OPRM1: variants seen among roughly 807,000 people sequenced by gnomAD.
OPRM1 encodes the protein opioid receptor mu 1.
Under a neutral mutation model 31.8 loss-of-function variants are expected in OPRM1, and 27 were observed. The observed-to-expected ratio is 0.85, with a 90% CI of 0.63 to 1.17. The LOEUF (loss-of-function observed/expected upper bound fraction) is 1.17, where lower values mean the gene tolerates loss of function less well. Among genes scored for constraint, OPRM1 ranks in the 50% most tolerant of loss-of-function variants. OPRM1 has a pLI of 0.00. For synonymous variants in OPRM1, 196 were observed against 189.9 expected (o/e 1.03, Z -0.26); for missense variants, 536 against 511.1 (o/e 1.05, Z -0.47).
chr6:154,094,263 C>T, intron 3 of OPRM1: 1 of 1,268,938 alleles, frequency 7.9e-7, no homozygotes, highest in Non-Finnish European at 1.0e-6. Context: ...GACAACTGTC[C>T]ACTGAGGCAA....
At chr6:154,195,764 T>C (rs1354066814) in intron 3 of OPRM1, among the ~76,000 whole-genome samples, 1 of 151,726 alleles carries the variant, frequency 6.6e-6, no homozygotes, top group African/African-American at 2.4e-5. Flanking sequence ...TTAACATTTT[T>C]TAGACCAGAA....
upstream of OPRM1, chr6:154,039,137 C>T (rs1269718069): frequency 1.9e-6 from 3 of 1,547,450 alleles, no homozygotes; most frequent in Non-Finnish European, 2.6e-6. Flanking sequence ...CTCCCCAACC[C>T]TTCTCTCCAT....
chr6:154,204,718 C>G (rs569675325), intron 3 of OPRM1, among the ~76,000 whole-genome samples: 1 of 152,116 alleles, frequency 6.6e-6, no homozygotes, highest in African/African-American at 2.4e-5. Flanking sequence ...CTTATCAGTG[C>G]CCCCCATCCC....
At position 154,168,027 on chromosome 6, in the gene OPRM1, G is replaced by A. The variant is rs371328760; in HGVS notation, c.1164+76555G>A. ...CTCAACTCCTTTTTAGTCGAAGGTC[G>A]TCGGTCCCCAAGAGGAGATAGACTA... On this transcript the variant is annotated intron_variant, in intron 3 of 3. Coordinates refer to the OPRM1 transcript ENST00000337049. The surrounding 1 kb of genome is among the most constrained non-coding windows in gnomAD (Gnocchi z 4.1). The A allele has an allele frequency of 9.9e-6, 16 of 1,610,686 alleles. No homozygotes were observed. The highest frequency in any genetic ancestry group is 1.2e-5 in the Non-Finnish European group (14 of 1,177,662).
intron 1 of OPRM1, among the ~76,000 whole-genome samples, chr6:154,080,147 A>G (rs1359267263): frequency 3.9e-5 from 6 of 152,194 alleles, no homozygotes; most frequent in Non-Finnish European, 5.9e-5. Flanking sequence ...ATTTGGGGAC[A>G]TTTCTATCAA....
At chr6:154,204,495 G>A (rs1777323385) in intron 3 of OPRM1, among the ~76,000 whole-genome samples, 1 of 152,168 alleles carries the variant, frequency 6.6e-6, no homozygotes, top group Admixed American at 6.5e-5. Flanking sequence ...GCCCCAGGAA[G>A]TATCATGTTT....
intron 3 of OPRM1, among the ~76,000 whole-genome samples, chr6:154,229,198 G>A (rs948962824): frequency 4.6e-5 from 7 of 152,104 alleles, no homozygotes; most frequent in Non-Finnish European, 1.5e-5. Flanking sequence ...TAACTGTGTT[G>A]TTCATACATA....
rs190126297 is a variant in OPRM1 at position 154,225,170 on chromosome 6, A to G, written c.1165-21523A>G. ...CCCAAATCTGAAAATCCAACACCCA[A>G]TGAATACTCCCTTTGAGCATCATGT... On this transcript the variant is annotated intron_variant, in intron 3 of 3. Coordinates refer to the OPRM1 transcript ENST00000337049. Among the ~76,000 whole-genome samples the G allele has an allele frequency of 2.5e-4, 38 of 152,200 alleles. No individual in the cohort carries two copies. The East Asian group carries it at 3.5e-3, about 14-fold the overall frequency.
At chr6:154,020,394 A>G (rs568562453) in intron 1 of OPRM1, among the ~76,000 whole-genome samples, 25 of 152,330 alleles carry the variant, frequency 1.6e-4, no homozygotes, top group African/African-American at 5.3e-4. Flanking sequence ...ATGTTGTAAT[A>G]TCAAATGTTG....
At chr6:154,037,166 C>A (rs1779353852), upstream of OPRM1, among the ~76,000 whole-genome samples, 1 of 151,878 alleles carries the variant, frequency 6.6e-6, no homozygotes. Context: ...ATATGATTCA[C>A]CAGGCATAAG....
At chr6:154,020,832 C>T (rs1778325039) in intron 1 of OPRM1, among the ~76,000 whole-genome samples, 1 of 152,194 alleles carries the variant, frequency 6.6e-6, no homozygotes, top group Non-Finnish European at 1.5e-5. Context: ...TGTATGTCTT[C>T]TTTGGTAAGT....
intron 3 of OPRM1, among the ~76,000 whole-genome samples, chr6:154,164,270 T>A (rs974977063): frequency 6.6e-6 from 1 of 152,158 alleles, no homozygotes; most frequent in Non-Finnish European, 1.5e-5. Context: ...TAGAACAGGG[T>A]CTCTTCAACT....
At chr6:154,200,307 T>G in intron 3 of OPRM1, among the ~76,000 whole-genome samples, 1 of 152,160 alleles carries the variant, frequency 6.6e-6, no homozygotes, top group East Asian at 1.9e-4. Flanking sequence ...TCTTCAATGC[T>G]CTCCAGAAAC....
intron 3 of OPRM1, among the ~76,000 whole-genome samples, chr6:154,160,686 A>G (rs1377661184): frequency 6.6e-6 from 1 of 152,162 alleles, no homozygotes; most frequent in Admixed American, 6.5e-5. Context: ...TGTCTAGCTC[A>G]GGTTAGAGTT....
At chr6:154,135,938 G>T (rs757941473), downstream of OPRM1, among the ~76,000 whole-genome samples, 1 of 152,210 alleles carries the variant, frequency 6.6e-6, no homozygotes, top group Non-Finnish European at 1.5e-5. Flanking sequence ...CCCTAAAGAA[G>T]CATCGTAGGG....
At chr6:154,191,774 A>C (rs765795799) in intron 3 of OPRM1, among the ~76,000 whole-genome samples, 5 of 152,210 alleles carry the variant, frequency 3.3e-5, no homozygotes, top group Non-Finnish European at 5.9e-5. Flanking sequence ...ATTTATTGCC[A>C]GTTGTAACAA....
At chr6:154,056,741 T>A (rs964367598) in intron 1 of OPRM1, among the ~76,000 whole-genome samples, 1 of 152,042 alleles carries the variant, frequency 6.6e-6, no homozygotes, top group Non-Finnish European at 1.5e-5. Flanking sequence ...GAGGTTGAGC[T>A]TTTTCCGGGG....
intron 1 of OPRM1, among the ~76,000 whole-genome samples, chr6:154,064,040 GAAA>G (rs1274951312): frequency 6.6e-6 from 1 of 151,932 alleles, no homozygotes; most frequent in Non-Finnish European, 1.5e-5. Flanking sequence ...AATTTTTTGA[GAAA>G]CTGTCCTACT....
At chr6:154,071,914 G>A (rs1012210382) in intron 1 of OPRM1, among the ~76,000 whole-genome samples, 5 of 152,122 alleles carry the variant, frequency 3.3e-5, no homozygotes, top group African/African-American at 1.2e-4. Flanking sequence ...TTGTCTTGTT[G>A]CATCACATCA....
Sources: allele counts gnomAD v4.1 joint callset (sites outside exome capture counted in the v4.1 genomes callset), GRCh38; gene constraint gnomAD v4.1.1; non-coding constraint Gnocchi (gnomAD v3.1); transcripts MANE v1.5; gene names NCBI Gene and HGNC (gene_info 2026-07-23, HGNC 2026-07-21).